The following PBK variants were observed in gnomAD, a reference collection of about 807,000 sequenced individuals.
PBK encodes lymphokine-activated killer T-cell-originated protein kinase.
In PBK, 22 loss-of-function variants were observed where a neutral mutation model predicts 33.5. The observed-to-expected ratio is 0.66, with a 90% CI of 0.47 to 0.94. PBK has a LOEUF of 0.94. PBK is among the 40% of genes least tolerant of loss of function. PBK has a pLI of 0.00. For synonymous variants in PBK, 129 were observed against 123.8 expected (o/e 1.04, Z -0.28); for missense variants, 376 against 383.4 (o/e 0.98, Z 0.16).
intron 6 of PBK, among the ~76,000 whole-genome samples, chr8:27,820,062 G>A (rs1048140201): frequency 8.2e-4 from 124 of 152,136 alleles, no homozygotes; most frequent in Middle Eastern, 3.4e-3. Flanking sequence ...TTTCTCTTGA[G>A]GCTGGCTCTT....
intron 3 of PBK, among the ~76,000 whole-genome samples, chr8:27,825,666 A>T (rs1806011411): frequency 6.6e-6 from 1 of 152,202 alleles, no homozygotes; most frequent in Non-Finnish European, 1.5e-5. Context: ...GAGTTTTTAC[A>T]TGTGCATATA....
intron 6 of PBK, among the ~76,000 whole-genome samples, chr8:27,816,364 T>A (rs1359096379): frequency 2.3e-5 from 3 of 131,770 alleles, no homozygotes; most frequent in Non-Finnish European, 3.2e-5. Flanking sequence ...TATATTTATT[T>A]ATTTATTTAT....
At chr8:27,822,084 G>A (rs1201061067) in intron 5 of PBK, among the ~76,000 whole-genome samples, 6 of 152,208 alleles carry the variant, frequency 3.9e-5, no homozygotes, top group East Asian at 3.9e-4. Context: ...TATGATGTCC[G>A]CACGCACAGT....
chr8:27,823,566 A>G (rs1176523959), intron 3 of PBK, among the ~76,000 whole-genome samples: 2 of 152,034 alleles, frequency 1.3e-5, no homozygotes, highest in African/African-American at 4.8e-5. Flanking sequence ...GAGATGAGTT[A>G]TAGGATCCTG....
At chr8:27,814,074 A>G (rs1412598557) in intron 6 of PBK, among the ~76,000 whole-genome samples, 1 of 152,172 alleles carries the variant, frequency 6.6e-6, no homozygotes, top group Admixed American at 6.5e-5. Flanking sequence ...GACCACAAAA[A>G]CAGACTGGGC....
chr8:27,820,131 G>A (rs1008174665), intron 6 of PBK, among the ~76,000 whole-genome samples: 1 of 152,036 alleles, frequency 6.6e-6, no homozygotes. Flanking sequence ...GAGAAGAAAG[G>A]GCAAAGAGCC....
At chr8:27,836,179 G>A (rs1427999894) in intron 1 of PBK, among the ~76,000 whole-genome samples, 1 of 152,126 alleles carries the variant, frequency 6.6e-6, no homozygotes, top group Admixed American at 6.5e-5. Context: ...GCCCAAGCAA[G>A]TATCTAGTGA....
intron 6 of PBK, among the ~76,000 whole-genome samples, chr8:27,814,502 ATTTG>A (rs1039053256): frequency 1.3e-5 from 2 of 151,864 alleles, no homozygotes; most frequent in Non-Finnish European, 1.5e-5. Flanking sequence ...ATTTTATAGT[ATTTG>A]TTTTTTATTT....
chr8:27,830,757 A>G (rs938972537), intron 2 of PBK, among the ~76,000 whole-genome samples: 1 of 109,040 alleles, frequency 9.2e-6, no homozygotes, highest in Non-Finnish European at 1.8e-5. Context: ...AGCTAATGGC[A>G]AAACAGTCCA....
At chr8:27,812,681 CAAA>C (rs1399878190) in intron 6 of PBK, 2 of 150,006 alleles carry the variant, frequency 1.3e-5, no homozygotes, top group Non-Finnish European at 3.0e-5. Context: ...GACAACTTCT[CAAA>C]AGAAGACATT....
chr8:27,836,569 C>G (rs1400065217), intron 1 of PBK, among the ~76,000 whole-genome samples: 1 of 151,850 alleles, frequency 6.6e-6, no homozygotes, highest in East Asian at 1.9e-4. Context: ...AGCCCTAGGG[C>G]ATCCAAGCAT....
rs530879259 is a variant in PBK at position 27,837,725 on chromosome 8, C to G, written c.-94G>C. On this transcript the variant is annotated 5_prime_UTR_variant, in exon 1 of 8. Coordinates refer to ENST00000301905, the MANE Select transcript of PBK (RefSeq NM_018492.4). ...GGCCAAGTACCTCTTCAAAATTGGT[C>G]CCGAGCGGCCCCCAGCGAGACCCTG... The G allele has an allele frequency of 8.5e-5, 13 of 152,436 alleles. No homozygotes were observed. Among genetic ancestry groups the G allele is most frequent in the African/African-American group, 2.6e-4 (11 of 41,586 alleles). 9.4% of individuals were successfully genotyped at this position (152,436 alleles called of 1,614,324 possible).
At chr8:27,818,374 C>CTATTCTAGAGTTGAGGATAT (rs1805857483) in intron 6 of PBK, among the ~76,000 whole-genome samples, 1 of 152,200 alleles carries the variant, frequency 6.6e-6, no homozygotes, top group Non-Finnish European at 1.5e-5. Context: ...AAGTCAGGCA[C>CTATTCTAGAGTTGAGGATAT]TATTCTAGAG....
intron 6 of PBK, among the ~76,000 whole-genome samples, 200 bp downstream of exon 6, chr8:27,820,362 CTAA>C (rs919636316): frequency 2.6e-5 from 4 of 152,030 alleles, no homozygotes; most frequent in Non-Finnish European, 5.9e-5. Flanking sequence ...AATACTACTA[CTAA>C]TAATAATACA....
At position 27,810,262 on chromosome 8, in the gene PBK, T is replaced by C. The variant is rs1392480929; in HGVS notation, c.*43A>G. On this transcript the variant is annotated 3_prime_UTR_variant, in exon 8 of 8. Coordinates refer to ENST00000301905, the MANE Select transcript of PBK (RefSeq NM_018492.4). ...TAGTAACTATGTAAATATTTTGGAATAAACAGTTATTTACGCAAGCCACAC... is the reference window on the plus strand; with the variant it reads ...TAGTAACTATGTAAATATTTTGGAACAAACAGTTATTTACGCAAGCCACAC... 7.5e-7 allele frequency: 1 copy of C among 1,328,592 alleles called. No homozygotes were observed. The highest frequency in any genetic ancestry group is 1.1e-6 in the Non-Finnish European group (1 of 929,836). 82.3% of individuals were successfully genotyped at this position (1,328,592 alleles called of 1,614,324 possible).
chr8:27,811,755 A>G (rs1805689067), intron 6 of PBK, among the ~76,000 whole-genome samples: 1 of 152,192 alleles, frequency 6.6e-6, no homozygotes, highest in Admixed American at 6.5e-5. Context: ...TCTTAATAGT[A>G]TTGAGTCTTC....
chr8:27,826,076 T>TG (rs565581714), intron 3 of PBK, among the ~76,000 whole-genome samples: 12 of 151,840 alleles, frequency 7.9e-5, no homozygotes, highest in Admixed American at 2.0e-4. Context: ...TCCAGGACAG[T>TG]GGGGGGGACA....
chr8:27,817,777 G>T (rs1268596788), intron 6 of PBK, among the ~76,000 whole-genome samples: 1 of 151,960 alleles, frequency 6.6e-6, no homozygotes, highest in African/African-American at 2.4e-5. Flanking sequence ...CACCTGAAAG[G>T]TTCTACCACA....
Position 27,810,333 on chromosome 8 carries a change from A to G in PBK, c.941T>C (p.Ile314Thr). Residue 314 changes from isoleucine (I) to threonine (T), a missense_variant, in exon 8 of 8, where the codon ATT becomes ACT. Ile to Thr is a moderately conservative substitution (Grantham distance 89). Coordinates refer to ENST00000301905, the MANE Select transcript of PBK (RefSeq NM_018492.4). ...GACATCTGTTTCCAGAGCTTCAACA[A>G]TGTGTGCAGCAGAAGGACGATCTTT... Reference protein sequence around the residue: ...DPKDRPSAAHIVEALETDV With the variant: ...DPKDRPSAAHTVEALETDV 1.2e-6 allele frequency: 2 copies of G among 1,612,760 alleles called. No individual in the cohort carries two copies. The highest frequency in any genetic ancestry group is 1.3e-5 in the African/African-American group (1 of 74,996).
Sources: gnomAD v4.1 joint callset for allele counts (sites outside exome capture counted in the v4.1 genomes callset) on GRCh38, gnomAD v4.1.1 for gene constraint, MANE v1.5 for transcripts, NCBI Gene and HGNC (gene_info 2026-07-23, HGNC 2026-07-21) for gene names.